The following ASXL3 variants were observed in gnomAD, a reference collection of about 807,000 sequenced individuals.
ASXL3 encodes the protein putative Polycomb group protein ASXL3.
A neutral mutation model predicts 170.6 loss-of-function variants in ASXL3; 34 were observed. That is an observed-to-expected ratio of 0.20 (90% CI 0.15 to 0.27). The LOEUF (loss-of-function observed/expected upper bound fraction) is 0.27. ASXL3 is among the 10% of genes least tolerant of loss of function. The pLI is 1.00. For missense variants in ASXL3, 2,592 were observed against 2,695.3 expected, an observed-to-expected ratio of 0.96 and a Z score of 0.85; for synonymous variants, 1,002 against 989.1, an observed-to-expected ratio of 1.01 and a Z score of -0.24.
chr18:33,744,057 C>G lies in ASXL3; in HGVS notation c.4209C>G (p.Val1403=), dbSNP rs1568365804. Residue 1403 remains valine, a synonymous_variant, in exon 12 of 12, where the codon GTC becomes GTG. Transcript: ENST00000269197. ...TCAGCTGCAGTGATTCTGTAGCGGT[C>G]ACAGACTCTCTGGTTGCACACCCGA... ...AALSCSDSVA[V]TDSLVAHPTV... The G allele has an allele frequency of 3.7e-6, 6 of 1,614,034 alleles. No individual in the cohort carries two copies.
At chr18:33,682,573 G>A (rs1312820793) in intron 7 of ASXL3, among the ~76,000 whole-genome samples, 1 of 152,088 alleles carries the variant, frequency 6.6e-6, no homozygotes, top group African/African-American at 2.4e-5. Flanking sequence ...TTTTGAGACA[G>A]AGTTTCACTC....
intron 1 of ASXL3, among the ~76,000 whole-genome samples, chr18:33,595,708 A>C (rs1307100670): frequency 6.6e-6 from 1 of 152,152 alleles, no homozygotes; most frequent in Non-Finnish European, 1.5e-5. Flanking sequence ...CTTCCAGCAA[A>C]TCTCAGGCTC....
intron 2 of ASXL3, among the ~76,000 whole-genome samples, chr18:33,640,462 A>G (rs907539546): frequency 3.3e-5 from 5 of 152,030 alleles, no homozygotes; most frequent in Admixed American, 2.0e-4. Context: ...CTGGGTTACT[A>G]TGTGTGTTTA....
At chr18:33,590,406 A>G (rs954606392) in intron 1 of ASXL3, among the ~76,000 whole-genome samples, 8 of 152,158 alleles carry the variant, frequency 5.3e-5, no homozygotes, top group Non-Finnish European at 1.0e-4. Flanking sequence ...ATTGATTGCT[A>G]CACAAGGATC....
Position 33,744,449 on chromosome 18 carries a change from A to T in ASXL3, c.4601A>T (p.Asp1534Val). Residue 1534 changes from aspartate (D) to valine (V), a missense_variant, in exon 12 of 12, where the codon GAT becomes GTT. This residue lies in a region of ASXL3 where 2,246 missense variants were observed against 2,219.6 expected (regional missense o/e 1.01). Coordinates refer to ENST00000269197, the MANE Select transcript of ASXL3 (RefSeq NM_030632.3). ...RPEPVANEGI[D>V]HSSTFIAASA... Reference sequence around the variant, plus strand: ...GAGCCAGTTGCCAACGAAGGTATAGATCACAGTTCCACTTTCATTGCTGCT... The same window carrying T: ...GAGCCAGTTGCCAACGAAGGTATAGTTCACAGTTCCACTTTCATTGCTGCT... The T allele has an allele frequency of 6.2e-7, 1 of 1,613,682 alleles. No individual in the cohort carries two copies. Among genetic ancestry groups the T allele is most frequent in the East Asian group, 2.2e-5 (1 of 44,860 alleles).
intron 2 of ASXL3, among the ~76,000 whole-genome samples, chr18:33,637,564 A>G (rs1170616040): frequency 1.3e-5 from 2 of 152,200 alleles, no homozygotes; most frequent in African/African-American, 4.8e-5. Flanking sequence ...CTTACATTTT[A>G]GTATGAAACT....
intron 1 of ASXL3, among the ~76,000 whole-genome samples, chr18:33,605,832 C>T (rs1230073588): frequency 1.3e-5 from 2 of 151,870 alleles, no homozygotes; most frequent in Non-Finnish European, 2.9e-5. Context: ...CTTTCCCCAT[C>T]GTATGCCTTT....
intron 8 of ASXL3, among the ~76,000 whole-genome samples, chr18:33,700,154 T>C (rs1178450716): frequency 6.6e-6 from 1 of 152,002 alleles, no homozygotes; most frequent in Non-Finnish European, 1.5e-5. Flanking sequence ...TGGTTTATTT[T>C]TTCATGTGGC....
intron 8 of ASXL3, among the ~76,000 whole-genome samples, chr18:33,685,117 C>A (rs559074861): frequency 6.6e-6 from 1 of 151,996 alleles, no homozygotes; most frequent in Non-Finnish European, 1.5e-5. Flanking sequence ...TGTAATAAGA[C>A]CATTACTTTT....
At chr18:33,730,402 A>G (rs2067423506) in intron 8 of ASXL3, among the ~76,000 whole-genome samples, 1 of 152,110 alleles carries the variant, frequency 6.6e-6, no homozygotes. Context: ...TTTGGGAATG[A>G]TAGTGCAAAG....
intron 2 of ASXL3, among the ~76,000 whole-genome samples, chr18:33,608,280 C>T (rs535096168): frequency 6.6e-6 from 1 of 152,058 alleles, no homozygotes; most frequent in African/African-American, 2.4e-5. Flanking sequence ...GCGGTCACTC[C>T]ATATCCCAAC....
intron 2 of ASXL3, among the ~76,000 whole-genome samples, chr18:33,623,620 A>G (rs2065552446): frequency 1.3e-5 from 2 of 152,194 alleles, no homozygotes; most frequent in African/African-American, 4.8e-5. Flanking sequence ...AAGATAATCA[A>G]GATAGAATGA....
chr18:33,721,449 ATG>A (rs2067258388), intron 8 of ASXL3, among the ~76,000 whole-genome samples: 1 of 152,118 alleles, frequency 6.6e-6, no homozygotes, highest in Non-Finnish European at 1.5e-5. Flanking sequence ...TGTTCCATGT[ATG>A]TGTATATTAA....
intron 4 of ASXL3, among the ~76,000 whole-genome samples, chr18:33,660,913 T>C (rs2066163181): frequency 6.6e-6 from 1 of 152,160 alleles, no homozygotes; most frequent in Non-Finnish European, 1.5e-5. Context: ...GTCACCCAAG[T>C]CAGTGAGACA....
chr18:33,735,640 G>A (rs1307084142), intron 10 of ASXL3, among the ~76,000 whole-genome samples: 2 of 152,120 alleles, frequency 1.3e-5, no homozygotes, highest in Non-Finnish European at 2.9e-5. Flanking sequence ...AAGAACCCTG[G>A]AGGATAAGAT....
At chr18:33,658,765 C>CT (rs1255936754) in intron 4 of ASXL3, among the ~76,000 whole-genome samples, 1 of 151,942 alleles carries the variant, frequency 6.6e-6, no homozygotes, top group Non-Finnish European at 1.5e-5. Context: ...AATTGACTAC[C>CT]TAGGACAGGT....
intron 5 of ASXL3, among the ~76,000 whole-genome samples, chr18:33,669,907 G>A (rs895153881): frequency 6.6e-6 from 1 of 152,124 alleles, no homozygotes; most frequent in African/African-American, 2.4e-5. Context: ...TAGATAAGCT[G>A]TATTTCAAAA....
At chr18:33,634,846 C>T (rs112612172) in intron 2 of ASXL3, among the ~76,000 whole-genome samples, 65 of 152,286 alleles carry the variant, frequency 4.3e-4, no homozygotes, top group African/African-American at 1.3e-3. Context: ...ATGAGGTGAA[C>T]ACCTAGAATC....
intron 4 of ASXL3, among the ~76,000 whole-genome samples, chr18:33,647,346 A>G (rs1220815270): frequency 6.6e-6 from 1 of 152,186 alleles, no homozygotes. Context: ...TGTGAATTTA[A>G]TGTAGGAAAA....
Sources: gnomAD v4.1 joint callset for allele counts (sites outside exome capture counted in the v4.1 genomes callset) on GRCh38, gnomAD v4.1.1 for gene constraint, gnomAD v4.1.1 regional missense constraint, MANE v1.5 for transcripts, NCBI Gene and HGNC (gene_info 2026-07-23, HGNC 2026-07-21) for gene names.